Variants in SOX5 observed in about 807,000 individuals in gnomAD.
The protein encoded by SOX5 is SRY-box transcription factor 5.
Under a neutral mutation model 92.0 loss-of-function variants are expected in SOX5, and 9 were observed. The ratio of observed to expected loss-of-function variants is 0.10; its 90% confidence interval spans 0.06 to 0.17. The LOEUF is 0.17. Among genes scored for constraint, SOX5 ranks in the 10% least tolerant of loss-of-function variants. SOX5 has a pLI of 1.00. For missense variants in SOX5, 642 were observed against 944.5 expected, an observed-to-expected ratio of 0.68 and a Z score of 4.20; for synonymous variants, 344 against 336.3, an observed-to-expected ratio of 1.02 and a Z score of -0.25.
intron 4 of SOX5, among the ~76,000 whole-genome samples, chr12:24,168,820 A>G (rs71450419): frequency 0.033 from 4,968 of 152,308 alleles, 96 homozygotes; most frequent in South Asian, 0.067. Context: ...GCAGGCGTGC[A>G]TGTGCCTGTA....
chr12:24,025,717 C>T (rs1377658423), intron 4 of SOX5, among the ~76,000 whole-genome samples: 1 of 151,978 alleles, frequency 6.6e-6, no homozygotes, highest in African/African-American at 2.4e-5. Flanking sequence ...ATAAAACTTT[C>T]AAAGTAATTC....
chr12:23,672,239 C>T (rs1456072034), intron 6 of SOX5, among the ~76,000 whole-genome samples: 2 of 152,052 alleles, frequency 1.3e-5, no homozygotes, highest in Non-Finnish European at 2.9e-5. Flanking sequence ...GTATTCCTAC[C>T]CCTCCTAAAT....
chr12:23,862,793 T>A (rs941862224), intron 2 of SOX5, among the ~76,000 whole-genome samples: 1 of 152,206 alleles, frequency 6.6e-6, no homozygotes, highest in Non-Finnish European at 1.5e-5. Context: ...TGAGTTCTCT[T>A]GAAGCGTGAA....
chr12:24,372,291 G>A (rs1186946736), intron 1 of SOX5, among the ~76,000 whole-genome samples: 1 of 150,896 alleles, frequency 6.6e-6, no homozygotes, highest in Non-Finnish European at 1.5e-5. Flanking sequence ...TAGCCCCCCA[G>A]CCCCCAACAG....
chr12:24,435,284 T>A (rs894013242), intron 1 of SOX5, among the ~76,000 whole-genome samples: 1 of 152,232 alleles, frequency 6.6e-6, no homozygotes, highest in Non-Finnish European at 1.5e-5. Flanking sequence ...GATGGGAAGA[T>A]GAAGATGTAC....
intron 3 of SOX5, among the ~76,000 whole-genome samples, chr12:23,839,005 ATTT>A (rs200262997): frequency 3.6e-5 from 5 of 138,212 alleles, no homozygotes; most frequent in Admixed American, 1.4e-4. Flanking sequence ...ACACCCAGCT[ATTT>A]TTTTTTTTTT....
At chr12:23,990,342 T>C (rs780816116) in intron 4 of SOX5, among the ~76,000 whole-genome samples, 13 of 152,254 alleles carry the variant, frequency 8.5e-5, no homozygotes, top group Middle Eastern at 3.4e-3. Context: ...ATGTCTAAAC[T>C]CCTTAGTGTG....
At chr12:23,561,813 TAAAAA>T (rs34791864) in intron 11 of SOX5, among the ~76,000 whole-genome samples, 1 of 139,056 alleles carries the variant, frequency 7.2e-6, no homozygotes, top group Admixed American at 7.2e-5. Flanking sequence ...TTTGGAGGAT[TAAAAA>T]AAAAAAAAAA....
At chr12:23,810,453 G>A (rs1012896523) in intron 3 of SOX5, among the ~76,000 whole-genome samples, 4 of 152,102 alleles carry the variant, frequency 2.6e-5, no homozygotes, top group Non-Finnish European at 5.9e-5. Flanking sequence ...GTGCCCAGTC[G>A]AAAATTACTA....
chr12:23,771,572 C>T (rs1376169002), intron 3 of SOX5, among the ~76,000 whole-genome samples: 1 of 152,146 alleles, frequency 6.6e-6, no homozygotes, highest in Non-Finnish European at 1.5e-5. Flanking sequence ...CTATAATAGC[C>T]CAGTATTCAA....
At chr12:24,502,676 T>C (rs1376199748) in intron 1 of SOX5, among the ~76,000 whole-genome samples, 1 of 152,194 alleles carries the variant, frequency 6.6e-6, no homozygotes, top group Non-Finnish European at 1.5e-5. Context: ...AATATTTGCA[T>C]AGTCTCACAG....
intron 4 of SOX5, among the ~76,000 whole-genome samples, chr12:24,131,736 A>G (rs1272638812): frequency 6.6e-6 from 1 of 152,200 alleles, no homozygotes; most frequent in African/African-American, 2.4e-5. Flanking sequence ...GGCACACAGA[A>G]TAAATTCATG....
At chr12:23,713,255 T>C (rs967387789) in intron 6 of SOX5, among the ~76,000 whole-genome samples, 1 of 152,162 alleles carries the variant, frequency 6.6e-6, no homozygotes. Context: ...AGAGGCATGC[T>C]ACAGATGCTT....
chr12:23,977,749 C>T (rs1461182947), intron 4 of SOX5, among the ~76,000 whole-genome samples: 2 of 151,288 alleles, frequency 1.3e-5, no homozygotes, highest in African/African-American at 4.9e-5. Context: ...TCTAAGACAC[C>T]CTTGTACCTA....
At chr12:23,958,661 T>C (rs1457121790) in intron 4 of SOX5, among the ~76,000 whole-genome samples, 2 of 151,618 alleles carry the variant, frequency 1.3e-5, no homozygotes, top group East Asian at 3.9e-4. Context: ...TAAGAAAGCC[T>C]ATCTAAAATA....
At chr12:23,986,760 T>C (rs1215588545) in intron 4 of SOX5, among the ~76,000 whole-genome samples, 1 of 152,192 alleles carries the variant, frequency 6.6e-6, no homozygotes, top group Non-Finnish European at 1.5e-5. Context: ...CCTTTCAATG[T>C]TCTAGGGTGG....
intron 6 of SOX5, among the ~76,000 whole-genome samples, chr12:23,707,418 G>A (rs2091526644): frequency 6.6e-6 from 1 of 152,096 alleles, no homozygotes; most frequent in Admixed American, 6.6e-5. Flanking sequence ...ATTAGTCTGA[G>A]TTTCAGGGAA....
At position 23,897,317 on chromosome 12, in the gene SOX5, T is replaced by A. The variant is rs370367153; in HGVS notation, c.39-1293A>T. On this transcript the variant is annotated intron_variant, in intron 1 of 14. Coordinates refer to ENST00000451604, the MANE Select transcript of SOX5 (RefSeq NM_006940.6). Reference sequence around the variant, plus strand: ...GTGTTATAAGTTTCAAAAGAAAACATGCATTCAAGTACAGGAGATATTCTA... The same window carrying A: ...GTGTTATAAGTTTCAAAAGAAAACAAGCATTCAAGTACAGGAGATATTCTA... Among the ~76,000 whole-genome samples, 6 of 152,204 alleles carry A rather than the reference T, an allele frequency of 3.9e-5. No homozygotes were observed. The East Asian group carries it at 1.2e-3, about 29-fold the overall frequency.
chr12:23,972,786 TCCATCAAC>T (rs1948490747), intron 4 of SOX5, among the ~76,000 whole-genome samples: 1 of 152,224 alleles, frequency 6.6e-6, no homozygotes. Flanking sequence ...AATTAACATG[TCCATCAAC>T]CCATCAATGT....
Sources: gnomAD v4.1 joint callset for allele counts (sites outside exome capture counted in the v4.1 genomes callset) on GRCh38, gnomAD v4.1.1 for gene constraint, MANE v1.5 for transcripts, NCBI Gene and HGNC (gene_info 2026-07-23, HGNC 2026-07-21) for gene names.